Variants in TENM2 observed in about 807,000 individuals in gnomAD.
TENM2 encodes the protein teneurin-2.
A neutral mutation model predicts 245.2 loss-of-function variants in TENM2; 52 were observed. The ratio of observed to expected loss-of-function variants is 0.21; its 90% CI spans 0.17 to 0.27. The LOEUF (loss-of-function observed/expected upper bound fraction) is 0.27. TENM2 is among the 10% of genes least tolerant of loss of function. The pLI is 1.00. For synonymous variants in TENM2, 1,363 were observed against 1,438.9 expected (o/e 0.95, Z 1.19); for missense variants, 3,046 against 3,666.8 (o/e 0.83, Z 4.37).
At chr5:168,030,410 G>C (rs72824974) in intron 5 of TENM2, among the ~76,000 whole-genome samples, 14,770 of 151,860 alleles carry the variant, frequency 0.097, 962 homozygotes, top group East Asian at 0.26. Flanking sequence ...TGCAATACCT[G>C]TGGTTCTCAA....
intron 2 of TENM2, among the ~76,000 whole-genome samples, chr5:167,461,856 G>A (rs1470349780): frequency 6.6e-6 from 1 of 152,030 alleles, no homozygotes; most frequent in East Asian, 1.9e-4. Flanking sequence ...TAATATTCTT[G>A]CTAATTTTAG....
intron 2 of TENM2, among the ~76,000 whole-genome samples, chr5:167,451,101 T>C (rs1369158277): frequency 6.6e-6 from 1 of 152,250 alleles, no homozygotes; most frequent in Admixed American, 6.5e-5. Context: ...CATTAAATAA[T>C]GAAGATGTAC....
chr5:167,534,217 C>T (rs1771700575), intron 2 of TENM2, among the ~76,000 whole-genome samples: 1 of 152,134 alleles, frequency 6.6e-6, no homozygotes, highest in Non-Finnish European at 1.5e-5. Context: ...GCTAAGAATA[C>T]TCATAAGGGA....
intron 2 of TENM2, among the ~76,000 whole-genome samples, chr5:167,609,488 C>CAAAA (rs5873049): frequency 5.3e-3 from 193 of 36,528 alleles, no homozygotes; most frequent in African/African-American, 0.013. Context: ...CCTGATGATG[C>CAAAA]AAAAAAAAAA....
chr5:167,606,967 G>T lies in TENM2; in HGVS notation c.502+231494G>T, dbSNP rs913366896. Among the ~76,000 whole-genome samples, 3 of 152,098 alleles carry T rather than the reference G, an allele frequency of 2.0e-5. No individual in the cohort carries two copies. The South Asian group carries it at 6.2e-4, about 31-fold the overall frequency. On this transcript the variant is annotated intron_variant, in intron 2 of 28. Coordinates refer to ENST00000518659, the Ensembl canonical transcript of TENM2. Reference sequence around the variant, plus strand: ...TATATATCAGCGCTTTAAAGACCAGGTTTTCTGGTAGCCTTGAATTGGAAC... The same window carrying T: ...TATATATCAGCGCTTTAAAGACCAGTTTTTCTGGTAGCCTTGAATTGGAAC...
intron 5 of TENM2, among the ~76,000 whole-genome samples, chr5:168,019,238 A>G (rs1410708810): frequency 2.0e-5 from 3 of 152,214 alleles, no homozygotes; most frequent in African/African-American, 7.2e-5. Flanking sequence ...CATGACAACA[A>G]GCCTTTCATG....
chr5:167,437,973 A>G (rs1003106659), intron 2 of TENM2, among the ~76,000 whole-genome samples: 1 of 152,224 alleles, frequency 6.6e-6, no homozygotes, highest in Non-Finnish European at 1.5e-5. Context: ...TGAAGTTCTC[A>G]GAGTTCCAAC....
At chr5:167,858,192 G>C (rs1453331392) in intron 2 of TENM2, among the ~76,000 whole-genome samples, 1 of 152,252 alleles carries the variant, frequency 6.6e-6, no homozygotes, top group South Asian at 2.1e-4. Context: ...TAGCATGTCA[G>C]AACTGCAGAG....
At chr5:167,930,540 C>A (rs1778197479) in intron 3 of TENM2, among the ~76,000 whole-genome samples, 1 of 151,796 alleles carries the variant, frequency 6.6e-6, no homozygotes, top group African/African-American at 2.4e-5. Flanking sequence ...AATGGCTTGA[C>A]CATAGCTCAC....
chr5:167,014,172 T>G, the TENM2 span, among the ~76,000 whole-genome samples: 1 of 120,126 alleles, frequency 8.3e-6, no homozygotes, highest in Non-Finnish European at 1.7e-5. Context: ...ATCATGAGCT[T>G]TATAAGAAGA....
At chr5:167,338,826 C>T (rs982774216) in intron 1 of TENM2, among the ~76,000 whole-genome samples, 15 of 152,178 alleles carry the variant, frequency 9.9e-5, no homozygotes, top group Non-Finnish European at 1.9e-4. Context: ...CTCTTCCTGG[C>T]TTGCAGATGG....
chr5:168,172,700 C>T (rs1256550733), intron 13 of TENM2, among the ~76,000 whole-genome samples: 2 of 152,192 alleles, frequency 1.3e-5, no homozygotes, highest in East Asian at 1.9e-4. Context: ...ATACCATCGG[C>T]GTTAGCTTTT....
chr5:167,206,949 C>T, the TENM2 span, among the ~76,000 whole-genome samples: 1 of 151,884 alleles, frequency 6.6e-6, no homozygotes, highest in Non-Finnish European at 1.5e-5. Context: ...AGGAAGAGCA[C>T]TACCATCATA....
chr5:167,746,448 T>A (rs2150618648), intron 2 of TENM2, among the ~76,000 whole-genome samples: 1 of 149,038 alleles, frequency 6.7e-6, no homozygotes, highest in South Asian at 2.1e-4. Context: ...TTGGGTAAAG[T>A]GAGGAAACAA....
the TENM2 span, among the ~76,000 whole-genome samples, chr5:167,131,885 C>A: frequency 2.6e-5 from 4 of 152,050 alleles, no homozygotes; most frequent in Non-Finnish European, 4.4e-5. Flanking sequence ...TGCAATGGTG[C>A]GATCTCAGCT....
At chr5:167,166,249 C>G in the TENM2 span, among the ~76,000 whole-genome samples, 5 of 152,194 alleles carry the variant, frequency 3.3e-5, no homozygotes, top group African/African-American at 1.2e-4. Context: ...ACCAAACACA[C>G]ACACACAAAC....
At chr5:167,732,942 C>T (rs545767560) in intron 2 of TENM2, among the ~76,000 whole-genome samples, 28 of 152,122 alleles carry the variant, frequency 1.8e-4, no homozygotes, top group Admixed American at 8.5e-4. Flanking sequence ...TAAGTAGTGA[C>T]GTGGATGGTG....
intron 12 of TENM2, among the ~76,000 whole-genome samples, chr5:168,144,935 G>T (rs1435310003): frequency 1.7e-4 from 26 of 148,678 alleles, no homozygotes; most frequent in South Asian, 4.2e-4. Context: ...GGCCAGTGAT[G>T]ACGAGCATTT....
intron 3 of TENM2, among the ~76,000 whole-genome samples, chr5:167,927,823 C>T (rs1005768713): frequency 2.0e-5 from 3 of 152,166 alleles, no homozygotes; most frequent in African/African-American, 7.2e-5. Flanking sequence ...CCTTGAGTCT[C>T]CATTTCTGGC....
Sources: allele counts gnomAD v4.1 joint callset (sites outside exome capture counted in the v4.1 genomes callset), GRCh38; gene constraint gnomAD v4.1.1; transcripts MANE v1.5; gene names NCBI Gene and HGNC (gene_info 2026-07-23, HGNC 2026-07-21).